The following RABEPK variants were observed in gnomAD, a reference collection of about 807,000 sequenced individuals.
The protein encoded by RABEPK is Rab9 effector protein with kelch motifs.
Under a neutral mutation model 34.1 loss-of-function variants are expected in RABEPK, and 27 were observed. The observed-to-expected ratio is 0.79, with a 90% CI of 0.58 to 1.09. RABEPK has a LOEUF of 1.09. Among genes scored for constraint, RABEPK ranks in the 50% least tolerant of loss-of-function variants. The pLI, the probability that RABEPK is intolerant of heterozygous loss-of-function variation, is 0.00. For missense variants in RABEPK, 449 were observed against 462.6 expected (o/e 0.97, Z 0.27); for synonymous variants, 172 against 169.2 (o/e 1.02, Z -0.13).
chr9:125,208,809 A>G (rs1461833405), intron 3 of RABEPK, among the ~76,000 whole-genome samples: 2 of 152,078 alleles, frequency 1.3e-5, no homozygotes, highest in Non-Finnish European at 2.9e-5. Flanking sequence ...TGCTGGGATT[A>G]CAGGTATGAG....
intron 6 of RABEPK, among the ~76,000 whole-genome samples, chr9:125,231,574 GGGTGGATCAC>G (rs1187298454): frequency 6.6e-6 from 1 of 151,972 alleles, no homozygotes; most frequent in African/African-American, 2.4e-5. Context: ...AGGCCGAGGT[GGGTGGATCAC>G]GAGGTCAGGA....
chr9:125,204,634 C>T (rs1170080881), intron 2 of RABEPK, among the ~76,000 whole-genome samples: 1 of 152,172 alleles, frequency 6.6e-6, no homozygotes, highest in African/African-American at 2.4e-5. Flanking sequence ...ATGGTCCCTG[C>T]AAAATGTTTC....
chr9:125,204,408 C>G (rs1021749794), intron 2 of RABEPK, among the ~76,000 whole-genome samples: 1 of 152,096 alleles, frequency 6.6e-6, no homozygotes, highest in African/African-American at 2.4e-5. Flanking sequence ...ATGGCAAAAC[C>G]CCGTCTCTAC....
chr9:125,203,813 T>C (rs938546603), intron 2 of RABEPK, among the ~76,000 whole-genome samples: 1 of 128,782 alleles, frequency 7.8e-6, no homozygotes, highest in African/African-American at 3.0e-5. Flanking sequence ...CGGGTGGATC[T>C]CCTGAGGTCA....
At chr9:125,204,477 G>A (rs1027379416) in intron 2 of RABEPK, among the ~76,000 whole-genome samples, 1 of 152,068 alleles carries the variant, frequency 6.6e-6, no homozygotes, top group East Asian at 1.9e-4. Context: ...GGCCACTCGG[G>A]AGGCTGAGGC....
chr9:125,221,349 TG>T (rs1831318448), intron 5 of RABEPK: 1 of 150,784 alleles, frequency 6.6e-6, no homozygotes, highest in Non-Finnish European at 1.5e-5. Context: ...ATACAAAAAT[TG>T]GCCGGGTGCA....
chr9:125,224,484 G>A (rs996648422), intron 5 of RABEPK, among the ~76,000 whole-genome samples: 3 of 138,978 alleles, frequency 2.2e-5, no homozygotes, highest in South Asian at 2.3e-4. Context: ...ATGAAGTCAC[G>A]CTCTGTTGCC....
chr9:125,216,097 A>G (rs1389317158), intron 4 of RABEPK, among the ~76,000 whole-genome samples: 2 of 152,170 alleles, frequency 1.3e-5, no homozygotes, highest in Non-Finnish European at 2.9e-5. Flanking sequence ...GTTCCAGAGC[A>G]GCCTGGCCAA....
chr9:125,216,190 G>C (rs1830917500), intron 4 of RABEPK, among the ~76,000 whole-genome samples: 1 of 152,104 alleles, frequency 6.6e-6, no homozygotes, highest in South Asian at 2.1e-4. Context: ...CTGCTGAGGA[G>C]GGCGAGGCAG....
At chr9:125,210,477 TG>T (rs1410829558) in intron 3 of RABEPK, among the ~76,000 whole-genome samples, 9 of 149,290 alleles carry the variant, frequency 6.0e-5, no homozygotes, top group Non-Finnish European at 1.3e-4. Flanking sequence ...CCCAGCACTT[TG>T]GGAGGCCGAG....
chr9:125,212,841 T>C (rs955362879), intron 3 of RABEPK, among the ~76,000 whole-genome samples: 5 of 151,778 alleles, frequency 3.3e-5, no homozygotes, highest in Non-Finnish European at 5.9e-5. Context: ...GGCTAATTTT[T>C]TGTATTTTAG....
At chr9:125,213,649 G>A in intron 4 of RABEPK, 127 bp downstream of exon 4, 2 of 822,108 alleles carry the variant, frequency 2.4e-6, no homozygotes, top group Non-Finnish European at 3.6e-6. Flanking sequence ...ATTTAACTTT[G>A]CTGACATAGA....
rs557027973 is a variant in RABEPK, at chr9:125,227,903, T to A, written c.527-7T>A. On this transcript the variant is annotated splice_region_variant and splice_polypyrimidine_tract_variant and intron_variant, in intron 5 of 7. Transcript: ENST00000373538. ...GCCATTTGATGTTATTGAATTTACTTTTCTAGACACTCTGACCTGGTCACA... is the reference window on the plus strand; with the variant it reads ...GCCATTTGATGTTATTGAATTTACTATTCTAGACACTCTGACCTGGTCACA... 6.4e-7 allele frequency: 1 copy of A among 1,559,344 alleles called. No individual in the cohort carries two copies. The highest frequency in any genetic ancestry group is 1.4e-5 in the African/African-American group (1 of 72,560).
intron 4 of RABEPK, among the ~76,000 whole-genome samples, chr9:125,219,619 T>G (rs187717621): frequency 9.2e-5 from 14 of 152,148 alleles, no homozygotes; most frequent in Non-Finnish European, 1.9e-4. Flanking sequence ...GCCAGGCTGG[T>G]CTAGAACTCC....
At position 125,234,085 on chromosome 9, in the gene RABEPK, TC is replaced by T. The variant is rs1832421586; in HGVS notation, c.*106del. ...ATCTTCTGCATTATATATCTGTTTT[TC>T]TCCTACTTTGGTAGGTGAAGAAACT... is the stretch of plus-strand genomic sequence containing the variant. On this transcript the variant is annotated 3_prime_UTR_variant, in exon 8 of 8. Transcript: ENST00000373538. The T allele has an allele frequency of 1.1e-5, 13 of 1,200,230 alleles. No individual in the cohort carries two copies. The highest frequency in any genetic ancestry group is 1.5e-5 in the Non-Finnish European group (13 of 847,348). The allele number at this position is 1,200,230 out of a possible 1,614,324, so 74.3% of individuals were successfully genotyped here. A position where few individuals can be genotyped will look rare whatever the true frequency, so the allele number is the denominator to read the frequency against.
intron 4 of RABEPK, among the ~76,000 whole-genome samples, chr9:125,218,070 G>A (rs776610103): frequency 6.6e-6 from 1 of 151,782 alleles, no homozygotes; most frequent in Non-Finnish European, 1.5e-5. Context: ...TCAGCACTTT[G>A]GGAGGCCGAG....
intron 4 of RABEPK, among the ~76,000 whole-genome samples, chr9:125,218,321 C>CAAAA (rs71374234): frequency 0.064 from 2,644 of 41,118 alleles, 686 homozygotes; most frequent in African/African-American, 0.073. Context: ...GACTCCGTCT[C>CAAAA]AAAAAAAAAA....
intron 5 of RABEPK, among the ~76,000 whole-genome samples, chr9:125,224,769 C>T (rs1371329762): frequency 6.6e-6 from 1 of 152,008 alleles, no homozygotes; most frequent in African/African-American, 2.4e-5. Flanking sequence ...TGTCTGTATC[C>T]TTATTTTACA....
At chr9:125,213,254 T>G (rs1311123278) in intron 3 of RABEPK, 116 bp from the exon 4 acceptor site, 1 of 1,059,536 alleles carries the variant, frequency 9.4e-7, no homozygotes, top group Admixed American at 2.4e-5. Flanking sequence ...GCCCTTTAAG[T>G]GATTCAGTGG....
Sources: allele counts gnomAD v4.1 joint callset (sites outside exome capture counted in the v4.1 genomes callset), GRCh38; gene constraint gnomAD v4.1.1; transcripts MANE v1.5; gene names NCBI Gene and HGNC (gene_info 2026-07-23, HGNC 2026-07-21).